Variants in METTL9 observed in about 807,000 individuals in gnomAD.
The protein encoded by METTL9 is protein-L-histidine N-pros-methyltransferase.
In METTL9, 10 loss-of-function variants were observed where a neutral mutation model predicts 36.0. That is an observed-to-expected ratio of 0.28 (90% confidence interval 0.17 to 0.47). METTL9 has a LOEUF of 0.47. METTL9 is among the 20% of genes least tolerant of loss of function. The pLI is 0.99. For missense variants in METTL9, 246 were observed against 383.5 expected, an observed-to-expected ratio of 0.64 and a Z score of 3.00; for synonymous variants, 175 against 149.7, an observed-to-expected ratio of 1.17 and a Z score of -1.23.
At chr16:21,629,241 A>AC (rs1450380288) in intron 4 of METTL9, among the ~76,000 whole-genome samples, 1 of 151,464 alleles carries the variant, frequency 6.6e-6, no homozygotes, top group Non-Finnish European at 1.5e-5. Context: ...TGAGGCCCCC[A>AC]CCCCCCATCG....
chr16:21,617,855 T>G lies in METTL9; in HGVS notation c.357-10T>G. The G allele has an allele frequency of 1.2e-6, 2 of 1,613,048 alleles. No homozygotes were observed. Among genetic ancestry groups the G allele is most frequent in the Non-Finnish European group, 1.7e-6 (2 of 1,179,084 alleles). On this transcript the variant is annotated splice_polypyrimidine_tract_variant and intron_variant, in intron 2 of 4. Transcript: ENST00000358154. Reference sequence around the variant, plus strand: ...TAGACACTTCCATTTTTGTCCTTTTTTTCTTTCAGGTTGCTAGGAAGAGGC... The same window carrying G: ...TAGACACTTCCATTTTTGTCCTTTTGTTCTTTCAGGTTGCTAGGAAGAGGC...
At chr16:21,597,695 A>AC (rs1964979535), upstream of METTL9, among the ~76,000 whole-genome samples, 1 of 152,106 alleles carries the variant, frequency 6.6e-6, no homozygotes, top group African/African-American at 2.4e-5. Context: ...TGCTGCTTTC[A>AC]CCCCCACTTT....
intron 4 of METTL9, chr16:21,641,430 G>C (rs540497585): frequency 5.4e-6 from 3 of 550,546 alleles, no homozygotes. Flanking sequence ...TGTCTTTTCA[G>C]TTTACCTTTA....
chr16:21,637,876 T>C (rs1966145558), intron 4 of METTL9, among the ~76,000 whole-genome samples: 1 of 152,354 alleles, frequency 6.6e-6, no homozygotes, highest in South Asian at 2.1e-4. Flanking sequence ...GAGGAGGCGC[T>C]GAGAGCGAGC....
upstream of METTL9, among the ~76,000 whole-genome samples, chr16:21,598,385 G>A (rs1177095549): frequency 1.3e-5 from 2 of 150,660 alleles, no homozygotes; most frequent in Non-Finnish European, 1.5e-5. Flanking sequence ...TGTTGGGTAA[G>A]GAATGATTTT....
At chr16:21,652,002 A>G (rs988240394) in intron 4 of METTL9, 3 of 152,122 alleles carry the variant, frequency 2.0e-5, no homozygotes, top group Non-Finnish European at 4.4e-5. Context: ...CTATAATCCA[A>G]ATTGTGTGGG....
At chr16:21,601,263 A>G (rs1369454726) in intron 1 of METTL9, among the ~76,000 whole-genome samples, 1 of 152,190 alleles carries the variant, frequency 6.6e-6, no homozygotes, top group East Asian at 1.9e-4. Context: ...TCATTCTTAT[A>G]GAGACAACTC....
At chr16:21,627,051 GAC>G (rs1366940594) in intron 4 of METTL9, 1 of 985,292 alleles carries the variant, frequency 1.0e-6, no homozygotes, top group East Asian at 1.1e-4. Context: ...TCTGGCATGT[GAC>G]ACACTGCAGA....
intron 3 of METTL9, among the ~76,000 whole-genome samples, chr16:21,620,492 A>G (rs948814869): frequency 2.6e-5 from 4 of 152,188 alleles, no homozygotes; most frequent in Admixed American, 6.5e-5. Context: ...TGTTAAACCC[A>G]TCTTCAGATG....
At chr16:21,640,424 CT>C (rs1371100534) in intron 4 of METTL9, 1 of 151,560 alleles carries the variant, frequency 6.6e-6, no homozygotes, top group Non-Finnish European at 1.5e-5. Context: ...ACCATGCCTC[CT>C]ATCTGACATT....
chr16:21,633,243 C>T (rs568916417), intron 4 of METTL9, among the ~76,000 whole-genome samples: 4 of 152,214 alleles, frequency 2.6e-5, no homozygotes, highest in Non-Finnish European at 1.5e-5. Flanking sequence ...GATATTTGAC[C>T]TGCTGTAGGC....
At chr16:21,633,431 G>A (rs534985332) in intron 4 of METTL9, among the ~76,000 whole-genome samples, 2 of 152,316 alleles carry the variant, frequency 1.3e-5, no homozygotes, top group Non-Finnish European at 2.9e-5. Flanking sequence ...GCCAGTGTCT[G>A]ACCAAACAGG....
chr16:21,613,168 CT>C (rs57388340), intron 2 of METTL9, among the ~76,000 whole-genome samples: 6 of 91,424 alleles, frequency 6.6e-5, no homozygotes, highest in African/African-American at 2.7e-4. Context: ...TGAGAGTCTG[CT>C]TTTTTTTTTT....
Position 21,599,791 on chromosome 16 carries a change from A to G in METTL9, c.58A>G (p.Arg20Gly). 1 of 1,548,044 alleles carries G rather than the reference A, an allele frequency of 6.5e-7. No homozygotes were observed. The highest frequency in any genetic ancestry group is 1.2e-5 in the South Asian group (1 of 84,560). ...CCTGGCGTCCGTGTGGCTGGCGCGG[A>G]GGATGTGGACGCTGCGGAGCCCGCT... Reference protein sequence around the residue: ...LSLASVWLARRMWTLRSPLTR... With the variant: ...LSLASVWLARGMWTLRSPLTR... Residue 20 changes from arginine (R) to glycine (G), a missense_variant, in exon 1 of 5, where the codon AGG becomes GGG. By Grantham distance (125) the Arg-to-Gly change is moderately radical. Around this residue, in one of 2 missense-constraint regions of METTL9, gnomAD observed 100 missense variants for 81.4 expected, o/e 1.23. Transcript: ENST00000358154. The surrounding 1 kb of genome is among the most constrained non-coding windows in gnomAD (Gnocchi z 4.4).
chr16:21,647,920 G>A (rs895938285), intron 4 of METTL9, among the ~76,000 whole-genome samples: 4 of 152,186 alleles, frequency 2.6e-5, no homozygotes, highest in Non-Finnish European at 4.4e-5. Context: ...GGTAACCTGT[G>A]TCCCCAGACG....
Position 21,614,394 on chromosome 16 carries a change from C to T in METTL9, c.356+1559C>T, listed in dbSNP as rs539159524. Among the ~76,000 whole-genome samples the T allele has an allele frequency of 1.9e-4, 29 of 152,176 alleles. No individual in the cohort carries two copies. In the East Asian group the frequency reaches 3.5e-3, roughly 18 times the overall value. ...TTTTGGGGGCTTCAAACTTTTATTT[C>T]CCCTTTCCTCTACCCATAAGACCCT... On this transcript the variant is annotated intron_variant, in intron 2 of 4. Transcript: ENST00000358154.
chr16:21,650,508 CAAAAAAAA>C (rs3046229), intron 4 of METTL9, among the ~76,000 whole-genome samples: 3 of 89,990 alleles, frequency 3.3e-5, no homozygotes, highest in Non-Finnish European at 6.5e-5. Flanking sequence ...ACTCTTGTCT[CAAAAAAAA>C]AAAAAAAAAA....
upstream of METTL9, among the ~76,000 whole-genome samples, chr16:21,598,590 T>C (rs1965007897): frequency 1.3e-5 from 2 of 152,296 alleles, no homozygotes; most frequent in East Asian, 3.9e-4. Context: ...CCACGAAATG[T>C]TACTCCTTAA....
chr16:21,613,057 G>T (rs1965466685), intron 2 of METTL9, among the ~76,000 whole-genome samples: 1 of 151,848 alleles, frequency 6.6e-6, no homozygotes, highest in Non-Finnish European at 1.5e-5. Context: ...TTCATAGCGG[G>T]AGTTACTTAC....
Sources: allele counts gnomAD v4.1 joint callset (sites outside exome capture counted in the v4.1 genomes callset), GRCh38; gene constraint gnomAD v4.1.1; regional missense constraint gnomAD v4.1.1; non-coding constraint Gnocchi (gnomAD v3.1); transcripts MANE v1.5; gene names NCBI Gene and HGNC (gene_info 2026-07-23, HGNC 2026-07-21).